RCC1L: variants seen among roughly 807,000 people sequenced by gnomAD.
RCC1L encodes RCC1 like.
Under a neutral mutation model 58.6 loss-of-function variants are expected in RCC1L, and 46 were observed. The observed-to-expected ratio is 0.79, with a 90% confidence interval of 0.62 to 1.00. RCC1L has a LOEUF of 1.00. Among genes scored for constraint, RCC1L ranks in the 50% least tolerant of loss-of-function variants. The pLI is 0.00. For synonymous variants in RCC1L, 281 were observed against 262.9 expected, an observed-to-expected ratio of 1.07 and a Z score of -0.67; for missense variants, 636 against 623.6, an observed-to-expected ratio of 1.02 and a Z score of -0.21.
chr7:75,058,571 T>C lies in RCC1L; in HGVS notation c.969+17A>G. 6.3e-7 allele frequency: 1 copy of C among 1,582,318 alleles called. No homozygotes were observed. Among genetic ancestry groups the C allele is most frequent in the Non-Finnish European group, 8.6e-7 (1 of 1,162,626 alleles). On this transcript the variant is annotated intron_variant, in intron 7 of 10. Transcript: ENST00000610322. Reference sequence around the variant, plus strand: ...GTTTCCAAACCTCCCAGCACCACGCTGTCGGCGACTGCATACCTGTGTGGA... The same window carrying C: ...GTTTCCAAACCTCCCAGCACCACGCCGTCGGCGACTGCATACCTGTGTGGA...
chr7:75,064,765 C>A (rs976059776), intron 3 of RCC1L, 117 bp from the exon 4 acceptor site: 23 of 1,169,836 alleles, frequency 2.0e-5, no homozygotes, highest in Non-Finnish European at 2.8e-5. Context: ...CACCCCCCAA[C>A]TGCCCCTGGG....
At chr7:75,055,633 G>A (rs372639427) in intron 9 of RCC1L, 282,580 of 483,542 alleles carry the variant, frequency 0.58, 86,200 homozygotes, top group East Asian at 0.9. Context: ...TCCTACCACC[G>A]ACGGGTGCTC....
downstream of RCC1L, chr7:75,042,108 T>C: frequency 1.1e-6 from 1 of 875,790 alleles, no homozygotes; most frequent in Non-Finnish European, 1.4e-6. Flanking sequence ...GGCTTCTGCC[T>C]CTGTATCAAA....
chr7:75,037,241 G>A (rs913996327), downstream of RCC1L, among the ~76,000 whole-genome samples: 12 of 152,126 alleles, frequency 7.9e-5, no homozygotes, highest in East Asian at 3.9e-4. Context: ...CTGGAGTGCC[G>A]TGGTGTGATC....
chr7:75,066,239 CAGG>C (rs1806476573), intron 3 of RCC1L, among the ~76,000 whole-genome samples: 1 of 152,052 alleles, frequency 6.6e-6, no homozygotes, highest in African/African-American at 2.4e-5. Context: ...ATCACGAGGT[CAGG>C]AGATTGAGAC....
At chr7:75,063,144 T>C in intron 5 of RCC1L, 148 bp downstream of exon 5, 1 of 888,336 alleles carries the variant, frequency 1.1e-6, no homozygotes, top group Non-Finnish European at 1.9e-6. Context: ...GCATAAATCC[T>C]GGCCTATAGT....
In RCC1L at chr7:75,042,330, T is replaced by C; in HGVS notation, c.*702A>G. 1.0e-6 allele frequency: 1 copy of C among 985,534 alleles called. No individual in the cohort carries two copies. The highest frequency in any genetic ancestry group is 1.2e-6 in the Non-Finnish European group (1 of 829,974). The allele number at this position is 985,534 out of a possible 1,614,324, so 61.0% of individuals were successfully genotyped here. A position where few individuals can be genotyped will look rare whatever the true frequency, so the allele number is the denominator to read the frequency against. On this transcript the variant is annotated 3_prime_UTR_variant, in exon 11 of 11. Coordinates refer to ENST00000610322, the MANE Select transcript of RCC1L (RefSeq NM_030798.5). ...CTCCGCCTGGCACTGCAGCTGAGCC[T>C]TGGCGGATATGCTCGGGGCCCTCGG...
chr7:75,063,803 C>T (rs1806358527), intron 4 of RCC1L, among the ~76,000 whole-genome samples: 1 of 152,002 alleles, frequency 6.6e-6, no homozygotes, highest in Non-Finnish European at 1.5e-5. Flanking sequence ...GCCTGTAATC[C>T]CAGCTATTCG....
In RCC1L at chr7:75,059,036, C is replaced by CA. The variant is rs1475599519; in HGVS notation, c.788-268dup. 2.1e-5 allele frequency among the ~76,000 whole-genome samples: 3 copies of CA among 140,424 alleles called. No individual in the cohort carries two copies. The East Asian group carries it at 6.5e-4, about 31-fold the overall frequency. The allele number at this position is 140,424 out of a possible 152,430, so 92.1% of individuals were successfully genotyped here. On this transcript the variant is annotated intron_variant, in intron 6 of 10. Transcript: ENST00000610322. ...TACTTAAAAAAAAAAAAAAAAATTACAAAAAAATTATTAGGGCATAATGGT... is the reference window on the plus strand; with the variant it reads ...TACTTAAAAAAAAAAAAAAAAATTACAAAAAAAATTATTAGGGCATAATGGT...
In RCC1L at chr7:75,064,587, A is replaced by G. The variant is rs1554444832; in HGVS notation, c.645T>C (p.Ile215=). ...QCGRKVVENE[I]YSESHRVHRM... is the part of the protein sequence containing the mutation. ...TAGGCCTTTTAGGAACTCACCTGTAAATTTCATTTTCGACCACCTTTCTTC... is the reference window on the plus strand; with the variant it reads ...TAGGCCTTTTAGGAACTCACCTGTAGATTTCATTTTCGACCACCTTTCTTC... Residue 215 remains isoleucine (I), a synonymous_variant, in exon 4 of 11, where the codon ATT becomes ATC. Coordinates refer to ENST00000610322, the MANE Select transcript of RCC1L (RefSeq NM_030798.5). The G allele has an allele frequency of 9.3e-6, 15 of 1,613,662 alleles. No homozygotes were observed. Among genetic ancestry groups the G allele is most frequent in the Non-Finnish European group, 1.3e-5 (15 of 1,179,828 alleles).
intron 10 of RCC1L, among the ~76,000 whole-genome samples, chr7:75,049,740 G>A (rs1805848985): frequency 6.6e-6 from 1 of 151,900 alleles, no homozygotes; most frequent in African/African-American, 2.4e-5. Flanking sequence ...TTAGCAAGGT[G>A]TGGTTGTGCA....
chr7:75,056,174 GGTTTTTTTTTGTTTTTTTTTTGTTTT>G, intron 8 of RCC1L, 100 bp from the exon 9 acceptor site: 2 of 1,417,936 alleles, frequency 1.4e-6, no homozygotes, highest in South Asian at 2.5e-5. Flanking sequence ...ACATCCACAC[GGTTTTTTTTTGTTTTTTTTTTGTTTT>G]GTTTTTTTCC....
intron 1 of RCC1L, among the ~76,000 whole-genome samples, chr7:75,071,100 T>A (rs1484395543): frequency 1.3e-5 from 2 of 152,074 alleles, no homozygotes; most frequent in African/African-American, 4.8e-5. Flanking sequence ...AAGTGATCTG[T>A]CCGCCTTGGC....
At chr7:75,063,439 C>T (rs1806343254) in intron 4 of RCC1L, 96 bp from the exon 5 acceptor site, 4 of 1,250,034 alleles carry the variant, frequency 3.2e-6, no homozygotes, top group Non-Finnish European at 4.7e-6. Flanking sequence ...GGCCCGTCCC[C>T]TCCGCTCACA....
intron 1 of RCC1L, among the ~76,000 whole-genome samples, chr7:75,071,244 T>A (rs1682817228): frequency 6.6e-6 from 1 of 152,174 alleles, no homozygotes; most frequent in Non-Finnish European, 1.5e-5. Context: ...ATCTTTATAA[T>A]CACTCTATGA....
chr7:75,056,719 A>G, intron 8 of RCC1L: 2 of 1,535,478 alleles, frequency 1.3e-6, no homozygotes. Context: ...CTCTGTGGCC[A>G]TGTATCTACA....
intron 10 of RCC1L, among the ~76,000 whole-genome samples, chr7:75,050,339 T>C (rs1429493992): frequency 6.6e-6 from 1 of 152,042 alleles, no homozygotes; most frequent in Non-Finnish European, 1.5e-5. Context: ...GAAGGACACT[T>C]GGTGTGTGGC....
At chr7:75,047,036 C>T (rs1805743061) in intron 10 of RCC1L, among the ~76,000 whole-genome samples, 1 of 152,146 alleles carries the variant, frequency 6.6e-6, no homozygotes, top group Admixed American at 6.5e-5. Context: ...CGGCTCACTG[C>T]AACCTCCGCC....
chr7:75,057,406 C>T lies in RCC1L; in HGVS notation c.1057+123G>A, dbSNP rs905985257. 4,669 of 938,568 alleles carry T rather than the reference C, an allele frequency of 5.0e-3. 91 individuals carry two copies. The highest frequency in any genetic ancestry group is 0.046 in the East Asian group (1,784 of 38,718). The allele number at this position is 938,568 out of a possible 1,614,324, so 58.1% of individuals were successfully genotyped here. A position where few individuals can be genotyped will look rare whatever the true frequency, so the allele number is the denominator to read the frequency against. The stretch of plus-strand genomic sequence containing the variant: ...TGCTGGGATTACAGATGTGAGCCAC[C>T]GCGCCCAGCCATGTTACCCTCCTAA... On this transcript the variant is annotated intron_variant, in intron 8 of 10. Coordinates refer to ENST00000610322, the MANE Select transcript of RCC1L (RefSeq NM_030798.5).
Sources: gnomAD v4.1 joint callset for allele counts (sites outside exome capture counted in the v4.1 genomes callset) on GRCh38, gnomAD v4.1.1 for gene constraint, MANE v1.5 for transcripts, NCBI Gene and HGNC (gene_info 2026-07-23, HGNC 2026-07-21) for gene names.